Variants in TMEM278 observed in about 807,000 individuals in gnomAD.
TMEM278 encodes transmembrane protein 278.
the TMEM278 span, among the ~76,000 whole-genome samples, chr1:1,426,598 C>T: frequency 6.6e-6 from 1 of 152,140 alleles, no homozygotes; most frequent in African/African-American, 2.4e-5. Context: ...CTGTCCCTTC[C>T]CTGAGGCCTC....
the TMEM278 span, chr1:1,427,554 G>A: frequency 2.2e-6 from 2 of 888,970 alleles, no homozygotes; most frequent in East Asian, 1.7e-4. Flanking sequence ...CGGCCCCCAG[G>A]TCCACCCCGC....
chr1:1,429,912 G>C, the TMEM278 span, among the ~76,000 whole-genome samples: 1 of 152,260 alleles, frequency 6.6e-6, no homozygotes, highest in Non-Finnish European at 1.5e-5. Context: ...CCCAGTCTGA[G>C]TGCAGTGGTG....
chr1:1,429,145 GACA>G, the TMEM278 span, among the ~76,000 whole-genome samples: 6 of 151,896 alleles, frequency 4.0e-5, no homozygotes, highest in Non-Finnish European at 8.8e-5. Context: ...CTCCAGCCTG[GACA>G]ACAAGAGCAA....
At chr1:1,428,882 A>C in the TMEM278 span, among the ~76,000 whole-genome samples, 1 of 151,426 alleles carries the variant, frequency 6.6e-6, no homozygotes, top group African/African-American at 2.4e-5. Flanking sequence ...CACCTGTAGT[A>C]CCAGCTACTC....
the TMEM278 span, chr1:1,426,086 C>A: frequency 2.2e-6 from 3 of 1,350,764 alleles, no homozygotes; most frequent in Non-Finnish European, 1.9e-6. Flanking sequence ...CACCACTCTG[C>A]ATTGAGCACC....
At chr1:1,426,411 G>A in the TMEM278 span, 2 of 1,352,166 alleles carry the variant, frequency 1.5e-6, no homozygotes, top group Non-Finnish European at 9.5e-7. Flanking sequence ...GTGGGCGGGG[G>A]ACTAGCTGGG....
the TMEM278 span, chr1:1,427,748 G>T: frequency 7.6e-7 from 1 of 1,307,784 alleles, no homozygotes; most frequent in Non-Finnish European, 9.7e-7. Context: ...GCCCCCCGGG[G>T]CGCCCCGACG....
chr1:1,427,684 C>G, the TMEM278 span: 1 of 1,330,972 alleles, frequency 7.5e-7, no homozygotes, highest in Non-Finnish European at 9.6e-7. Flanking sequence ...GCCCGCCTAG[C>G]CCGGCGCCTC....
At chr1:1,427,802 C>T in the TMEM278 span, 2 of 1,379,234 alleles carry the variant, frequency 1.5e-6, no homozygotes, top group Non-Finnish European at 1.9e-6. Flanking sequence ...GCGGCCGCTG[C>T]GAAACCCCGG....
the TMEM278 span, chr1:1,426,343 C>T: frequency 3.5e-6 from 5 of 1,444,020 alleles, no homozygotes; most frequent in African/African-American, 1.5e-5. Context: ...TGCTCCTGCC[C>T]GCGGCCGCCG....
At chr1:1,428,227 G>A in the TMEM278 span, among the ~76,000 whole-genome samples, 7,133 of 151,050 alleles carry the variant, frequency 0.047, 227 homozygotes, top group East Asian at 0.1. Context: ...GAGCCCGGCA[G>A]GCAGCCCTCA....
At chr1:1,427,316 A>C in the TMEM278 span, among the ~76,000 whole-genome samples, 15 of 37,318 alleles carry the variant, frequency 4.0e-4, no homozygotes, top group Admixed American at 6.5e-4. Context: ...ACCCACCCAC[A>C]CCCTCTCCTC....
At chr1:1,429,277 G>A in the TMEM278 span, among the ~76,000 whole-genome samples, 1 of 152,176 alleles carries the variant, frequency 6.6e-6, no homozygotes, top group African/African-American at 2.4e-5. Flanking sequence ...GAACACTGGA[G>A]GCAGAGGTTG....
chr1:1,429,041 C>T, the TMEM278 span, among the ~76,000 whole-genome samples: 1 of 150,792 alleles, frequency 6.6e-6, no homozygotes, highest in African/African-American at 2.4e-5. Context: ...TGGTGGTGGG[C>T]ACCTATAACC....
the TMEM278 span, among the ~76,000 whole-genome samples, chr1:1,427,179 C>T: frequency 6.7e-6 from 1 of 148,838 alleles, no homozygotes; most frequent in African/African-American, 2.5e-5. Context: ...CCCTGCACCC[C>T]TCCGTCTCCC....
chr1:1,427,905 C>T, the TMEM278 span: 3 of 1,011,784 alleles, frequency 3.0e-6, no homozygotes, highest in South Asian at 4.9e-5. Flanking sequence ...GGGCGCGCAG[C>T]GCTCCCGGCT....
the TMEM278 span, chr1:1,426,184 CA>C: frequency 2.1e-6 from 3 of 1,418,380 alleles, no homozygotes; most frequent in African/African-American, 4.5e-5. Flanking sequence ...GTGCTTCCGA[CA>C]CAGCGCCCAT....
At chr1:1,426,335 C>A in the TMEM278 span, 10 of 1,452,434 alleles carry the variant, frequency 6.9e-6, no homozygotes, top group Non-Finnish European at 9.1e-6. Context: ...CCTGCTGGTG[C>A]TCCTGCCCGC....
At chr1:1,427,396 T>C in the TMEM278 span, among the ~76,000 whole-genome samples, 1 of 752 alleles carries the variant, frequency 1.3e-3, no homozygotes. Context: ...TGCTCCCCTC[T>C]TCTCCCCCTT....
Sources: gnomAD v4.1 joint callset for allele counts (sites outside exome capture counted in the v4.1 genomes callset) on GRCh38, gnomAD v4.1.1 for gene constraint, MANE v1.5 for transcripts, NCBI Gene and HGNC (gene_info 2026-07-23, HGNC 2026-07-21) for gene names.